EPCIP: variants seen among roughly 807,000 people sequenced by gnomAD.
EPCIP encodes the protein exosomal polycystin 1 interacting protein.
chr21:32,795,984 C>CCTT, the EPCIP span, among the ~76,000 whole-genome samples: 79 of 43,538 alleles, frequency 1.8e-3, no homozygotes, highest in African/African-American at 4.3e-3. Flanking sequence ...TTCCTTCCTT[C>CCTT]CCTCCTTCCC....
the EPCIP span, chr21:32,793,775 G>A: frequency 1.2e-6 from 2 of 1,614,158 alleles, no homozygotes; most frequent in Non-Finnish European, 1.7e-6. Context: ...GTAAATAAAT[G>A]TGACAACATA....
the EPCIP span, chr21:32,791,096 T>G: frequency 1.3e-5 from 2 of 152,270 alleles, no homozygotes; most frequent in Non-Finnish European, 2.9e-5. Context: ...CCCCAAACCC[T>G]GCAGCTAAGT....
the EPCIP span, chr21:32,813,483 G>T: frequency 9.4e-6 from 4 of 424,708 alleles, no homozygotes; most frequent in East Asian, 1.5e-4. Flanking sequence ...CCCTGACAAT[G>T]GTTCTTCCAA....
the EPCIP span, among the ~76,000 whole-genome samples, chr21:32,799,796 G>A: frequency 5.3e-5 from 8 of 152,084 alleles, no homozygotes; most frequent in Non-Finnish European, 1.2e-4. Context: ...ACAAAAATTA[G>A]CCAGGTGTGG....
chr21:32,794,200 G>T, the EPCIP span: 1 of 1,614,258 alleles, frequency 6.2e-7, no homozygotes, highest in Non-Finnish European at 8.5e-7. Context: ...CATTGTAGCT[G>T]GTTCGCTCTA....
At chr21:32,798,252 G>C in the EPCIP span, 1 of 152,292 alleles carries the variant, frequency 6.6e-6, no homozygotes, top group Non-Finnish European at 1.5e-5. Flanking sequence ...AGGATCACTT[G>C]AGTCTGAGAA....
the EPCIP span, chr21:32,810,687 G>A: frequency 2.1e-6 from 1 of 471,312 alleles, no homozygotes; most frequent in South Asian, 1.5e-5. Context: ...GATGCTGATG[G>A]TGAACTGAGA....
At chr21:32,809,885 A>C in the EPCIP span, among the ~76,000 whole-genome samples, 1 of 152,188 alleles carries the variant, frequency 6.6e-6, no homozygotes, top group East Asian at 1.9e-4. Flanking sequence ...GTGCAACATC[A>C]GTCTATTGTA....
the EPCIP span, among the ~76,000 whole-genome samples, chr21:32,802,388 T>C: frequency 6.6e-6 from 1 of 152,162 alleles, no homozygotes; most frequent in Non-Finnish European, 1.5e-5. Context: ...GTAAGCTCCC[T>C]CTTTGGAGGC....
chr21:32,813,465 G>C, the EPCIP span: 2 of 396,914 alleles, frequency 5.0e-6, no homozygotes, highest in Non-Finnish European at 1.0e-5. Context: ...AATGCAACAA[G>C]AAGGTGACCC....
At chr21:32,792,181 C>T in the EPCIP span, among the ~76,000 whole-genome samples, 1 of 152,160 alleles carries the variant, frequency 6.6e-6, no homozygotes. Context: ...GGATTCTTTA[C>T]AGTCCACTTT....
the EPCIP span, among the ~76,000 whole-genome samples, chr21:32,811,918 C>G: frequency 6.6e-6 from 1 of 152,228 alleles, no homozygotes; most frequent in Non-Finnish European, 1.5e-5. Flanking sequence ...TGCACATGTT[C>G]TCTTGCCCTT....
the EPCIP span, chr21:32,813,586 A>G: frequency 2.8e-5 from 13 of 470,948 alleles, no homozygotes; most frequent in Admixed American, 7.0e-5. Flanking sequence ...CACAGAAATT[A>G]CTTACATCTG....
chr21:32,810,058 C>T, the EPCIP span, among the ~76,000 whole-genome samples: 1 of 152,048 alleles, frequency 6.6e-6, no homozygotes, highest in African/African-American at 2.4e-5. Context: ...AATCCCACCA[C>T]CCCCATACCA....
the EPCIP span, chr21:32,793,702 TC>T: frequency 1.3e-6 from 2 of 1,504,622 alleles, no homozygotes; most frequent in Non-Finnish European, 1.9e-6. Flanking sequence ...ATTTCCAGAT[TC>T]CTTCTGCAAA....
chr21:32,794,150 C>T, the EPCIP span: 2 of 1,614,228 alleles, frequency 1.2e-6, no homozygotes, highest in African/African-American at 2.7e-5. Flanking sequence ...CAGCAGGTGG[C>T]CCAGCGCAGA....
At chr21:32,798,592 C>A in the EPCIP span, 1 of 152,186 alleles carries the variant, frequency 6.6e-6, no homozygotes, top group Non-Finnish European at 1.5e-5. Context: ...AACTCTTAGG[C>A]CATTTGAGGC....
chr21:32,794,408 G>T, the EPCIP span: 4 of 1,612,456 alleles, frequency 2.5e-6, no homozygotes, highest in Non-Finnish European at 2.5e-6. Flanking sequence ...ACAGTGCCTG[G>T]AAGGTGGTGC....
At chr21:32,793,581 T>C in the EPCIP span, 1 of 685,546 alleles carries the variant, frequency 1.5e-6, no homozygotes, top group South Asian at 1.8e-5. Flanking sequence ...GTTCTCGCAG[T>C]TGGGCACAGA....
Sources: gnomAD v4.1 joint callset for allele counts (sites outside exome capture counted in the v4.1 genomes callset) on GRCh38, gnomAD v4.1.1 for gene constraint, MANE v1.5 for transcripts, NCBI Gene and HGNC (gene_info 2026-07-23, HGNC 2026-07-21) for gene names.